The following FARS2 variants were observed in gnomAD, a reference collection of about 807,000 sequenced individuals.
The protein encoded by FARS2 is phenylalanine--tRNA ligase, mitochondrial.
Under a neutral mutation model 46.4 loss-of-function variants are expected in FARS2, and 40 were observed. The observed-to-expected ratio is 0.86, with a 90% confidence interval of 0.67 to 1.12. The LOEUF (loss-of-function observed/expected upper bound fraction) is 1.12, where lower values mean the gene tolerates loss of function less well. Ranked by LOEUF, FARS2 falls within the 50% of genes most tolerant of loss-of-function variation. The pLI, the probability that FARS2 is intolerant of heterozygous loss-of-function variation, is 0.00. For missense variants in FARS2, 513 were observed against 567.9 expected, an observed-to-expected ratio of 0.90 and a Z score of 0.98; for synonymous variants, 234 against 214.9, an observed-to-expected ratio of 1.09 and a Z score of -0.78.
intron 4 of FARS2, among the ~76,000 whole-genome samples, chr6:5,466,100 G>A (rs899691944): frequency 2.6e-5 from 4 of 151,950 alleles, no homozygotes; most frequent in African/African-American, 4.8e-5. Flanking sequence ...TCTTTTCAAC[G>A]GCGATGGGTA....
At chr6:5,274,954 C>G (rs528484930) in intron 1 of FARS2, among the ~76,000 whole-genome samples, 31 of 152,312 alleles carry the variant, frequency 2.0e-4, no homozygotes, top group Admixed American at 3.3e-4. Flanking sequence ...TGGCTTCAAG[C>G]AGTCCTCCTG....
At chr6:5,741,807 C>T (rs1380968576) in intron 6 of FARS2, among the ~76,000 whole-genome samples, 2 of 144,946 alleles carry the variant, frequency 1.4e-5, no homozygotes, top group Non-Finnish European at 2.9e-5. Context: ...CATGCCACCA[C>T]CCCCAGTTAA....
At chr6:5,721,063 A>T (rs1759870516) in intron 6 of FARS2, among the ~76,000 whole-genome samples, 1 of 152,224 alleles carries the variant, frequency 6.6e-6, no homozygotes, top group African/African-American at 2.4e-5. Flanking sequence ...TTAAAAAGAA[A>T]TAAAGTTTAA....
intron 6 of FARS2, among the ~76,000 whole-genome samples, chr6:5,763,825 T>G (rs1276901336): frequency 6.6e-6 from 1 of 151,834 alleles, no homozygotes; most frequent in Non-Finnish European, 1.5e-5. Context: ...ATTTACTTAG[T>G]TTCCAGACCA....
At chr6:5,580,531 A>T (rs1773270993) in intron 5 of FARS2, among the ~76,000 whole-genome samples, 1 of 152,114 alleles carries the variant, frequency 6.6e-6, no homozygotes, top group African/African-American at 2.4e-5. Flanking sequence ...CCAGATACCC[A>T]CATGGCCAGC....
At chr6:5,273,761 G>T (rs1031661032) in intron 1 of FARS2, among the ~76,000 whole-genome samples, 1 of 151,986 alleles carries the variant, frequency 6.6e-6, no homozygotes, top group Non-Finnish European at 1.5e-5. Context: ...CAATATCCTG[G>T]GTTGTTTCCC....
At chr6:5,620,665 C>T (rs1307398930) in intron 6 of FARS2, among the ~76,000 whole-genome samples, 1 of 152,210 alleles carries the variant, frequency 6.6e-6, no homozygotes, top group South Asian at 2.1e-4. Flanking sequence ...TCAGAATACC[C>T]CACCTGGGCC....
In FARS2 at chr6:5,504,438, A is replaced by T. The variant is rs974799954; in HGVS notation, c.905-40742A>T. Among the ~76,000 whole-genome samples, 28 of 11,010 alleles carry T rather than the reference A, an allele frequency of 2.5e-3. No homozygotes were observed. In the South Asian group the frequency reaches 0.045, roughly 18 times the overall value. The allele number at this position is 11,010 out of a possible 152,430, so 7.2% of individuals were successfully genotyped here. ...GAATGAAATATTTATGCTTTCCAGT[A>T]AAAAAAAAAAAAAAAAAAAAGAATT... On this transcript the variant is annotated intron_variant, in intron 4 of 6. Coordinates refer to ENST00000274680, the MANE Select transcript of FARS2 (RefSeq NM_006567.5).
At chr6:5,277,845 A>G (rs1766443202) in intron 1 of FARS2, among the ~76,000 whole-genome samples, 1 of 152,022 alleles carries the variant, frequency 6.6e-6, no homozygotes, top group Non-Finnish European at 1.5e-5. Flanking sequence ...CATGTTGTCC[A>G]TTTTCACTGC....
chr6:5,510,401 C>T (rs539505313), intron 4 of FARS2, among the ~76,000 whole-genome samples: 4 of 151,126 alleles, frequency 2.6e-5, no homozygotes, highest in South Asian at 2.1e-4. Flanking sequence ...AACAGAACTG[C>T]GGAGCTGAAG....
chr6:5,610,570 C>T (rs552335340), intron 5 of FARS2, among the ~76,000 whole-genome samples: 2 of 152,232 alleles, frequency 1.3e-5, no homozygotes, highest in East Asian at 3.9e-4. Context: ...GCAAATACTA[C>T]ACCATTTTAT....
intron 5 of FARS2, among the ~76,000 whole-genome samples, chr6:5,593,917 C>T (rs895616893): frequency 1.3e-4 from 20 of 152,292 alleles, no homozygotes; most frequent in Non-Finnish European, 1.0e-4. Flanking sequence ...TGGCTGAACA[C>T]ACAGCAGCTA....
intron 5 of FARS2, among the ~76,000 whole-genome samples, chr6:5,590,116 C>CT (rs1401450446): frequency 6.6e-6 from 1 of 152,142 alleles, no homozygotes; most frequent in Non-Finnish European, 1.5e-5. Context: ...CTGACATACT[C>CT]TAAGTGCTCA....
chr6:5,615,576 T>C (rs1035472378), intron 6 of FARS2, among the ~76,000 whole-genome samples: 27 of 152,274 alleles, frequency 1.8e-4, no homozygotes, highest in African/African-American at 6.3e-4. Flanking sequence ...AAATTTCGTA[T>C]GCTCCAATGG....
intron 4 of FARS2, among the ~76,000 whole-genome samples, chr6:5,543,442 G>A (rs1352779921): frequency 6.8e-6 from 1 of 147,686 alleles, no homozygotes; most frequent in African/African-American, 2.5e-5. Flanking sequence ...TCAGCTTACT[G>A]CAACCTCCAC....
At chr6:5,700,485 C>T (rs545691333) in intron 6 of FARS2, among the ~76,000 whole-genome samples, 1 of 152,070 alleles carries the variant, frequency 6.6e-6, no homozygotes, top group African/African-American at 2.4e-5. Flanking sequence ...CAGCTCACTG[C>T]GACCTCCACC....
At chr6:5,751,113 AGAT>A (rs768767089) in intron 6 of FARS2, among the ~76,000 whole-genome samples, 9 of 152,182 alleles carry the variant, frequency 5.9e-5, no homozygotes, top group Non-Finnish European at 8.8e-5. Flanking sequence ...TCAGTCTTAC[AGAT>A]GATATTTTGG....
rs144302012 is a variant in FARS2, at chr6:5,421,775, C to G, written c.773-9266C>G. 3.6e-3 allele frequency among the ~76,000 whole-genome samples: 555 copies of G among 152,306 alleles called. 4 individuals carry two copies. Among genetic ancestry groups the G allele is most frequent in the African/African-American group, 0.013 (526 of 41,552 alleles). ...CAAGTTCCTCATCTCCATCTGAGAC[C>G]ATCTCAGCCTGGACTTCATTGTCCA... On this transcript the variant is annotated intron_variant, in intron 3 of 6. Transcript: ENST00000274680.
At chr6:5,710,684 G>GT (rs1416680178) in intron 6 of FARS2, among the ~76,000 whole-genome samples, 2 of 152,236 alleles carry the variant, frequency 1.3e-5, no homozygotes, top group African/African-American at 2.4e-5. Flanking sequence ...TCAAGGCAGA[G>GT]TGCCAGACAG....
Sources: allele counts gnomAD v4.1 joint callset (sites outside exome capture counted in the v4.1 genomes callset), GRCh38; gene constraint gnomAD v4.1.1; transcripts MANE v1.5; gene names NCBI Gene and HGNC (gene_info 2026-07-23, HGNC 2026-07-21).